ENPP2: variants seen among roughly 807,000 people sequenced by gnomAD.
The protein encoded by ENPP2 is autotaxin.
ENPP2 carries 51 observed loss-of-function variants against 120.2 expected under a neutral mutation model. The observed-to-expected ratio is 0.42, with a 90% CI of 0.34 to 0.54. The LOEUF is 0.54. Ranked by LOEUF, ENPP2 falls within the 20% of genes least tolerant of loss-of-function variation. The pLI, the probability that ENPP2 is intolerant of heterozygous loss-of-function variation, is 0.04. For missense variants in ENPP2, 920 were observed against 1,066.5 expected, an observed-to-expected ratio of 0.86 and a Z score of 1.91; for synonymous variants, 365 against 366.4, an observed-to-expected ratio of 1.00 and a Z score of 0.04.
chr8:119,620,852 G>A (rs1212394015), intron 4 of ENPP2, among the ~76,000 whole-genome samples: 2 of 152,102 alleles, frequency 1.3e-5, no homozygotes, highest in Non-Finnish European at 2.9e-5. Context: ...CCCATCCCTG[G>A]GCAGTTGCCA....
At chr8:119,570,658 A>C in intron 20 of ENPP2, 47 bp downstream of exon 20, 1 of 1,039,204 alleles carries the variant, frequency 9.6e-7, no homozygotes, top group Non-Finnish European at 1.4e-6. Context: ...TATTAACATG[A>C]GGAATGTAAT....
At chr8:119,563,105 A>G (rs2129945110) in intron 23 of ENPP2, 92 bp from the exon 24 acceptor site, 2 of 1,023,484 alleles carry the variant, frequency 2.0e-6, no homozygotes, top group South Asian at 1.6e-5. Context: ...TGCCTAAGTC[A>G]CTAAAATTAA....
At chr8:119,593,991 G>T in intron 11 of ENPP2, 131 bp from the exon 12 acceptor site, 1 of 671,442 alleles carries the variant, frequency 1.5e-6, no homozygotes, top group Non-Finnish European at 2.7e-6. Flanking sequence ...TGTCTGGGGA[G>T]ATTTGCCTGC....
chr8:119,562,742 G>T (rs985448753), intron 24 of ENPP2, 115 bp downstream of exon 24: 2 of 1,095,050 alleles, frequency 1.8e-6, no homozygotes, highest in African/African-American at 1.6e-5. Flanking sequence ...TCTTTTTTCT[G>T]TTTAGGGTGA....
At chr8:119,638,373 C>T in intron 2 of ENPP2, 52 bp downstream of exon 2, 1 of 856,576 alleles carries the variant, frequency 1.2e-6, no homozygotes, top group Non-Finnish European at 2.0e-6. Context: ...ATTGATTACC[C>T]CGTATGTAAT....
At chr8:119,600,625 A>G in intron 11 of ENPP2, 53 bp downstream of exon 11, 1 of 1,081,448 alleles carries the variant, frequency 9.2e-7, no homozygotes, top group Non-Finnish European at 1.4e-6. Context: ...AAGTCAGTAG[A>G]TCAGGTAGCC....
At position 119,659,334 on chromosome 8, in the gene ENPP2, A is replaced by AAAAAAAAAAAAC. The variant is rs58435393; in HGVS notation, c.21+13917_21+13918insGTTTTTTTTTTT. ...TCTGTCTCAATTAAAAAAAAAAAAA[A>AAAAAAAAAAAAC]AAACCAGAGTTCTTAAGAATTTTCT... On this transcript the variant is annotated intron_variant, in intron 1 of 25. Coordinates refer to the ENPP2 transcript ENST00000427067. Among the ~76,000 whole-genome samples, 644 of 130,720 alleles carry AAAAAAAAAAAAC rather than the reference A, an allele frequency of 4.9e-3. 37 individuals carry two copies. Among genetic ancestry groups the AAAAAAAAAAAAC allele is most frequent in the African/African-American group, 0.011 (395 of 36,830 alleles). The allele number at this position is 130,720 out of a possible 152,430, so 85.8% of individuals were successfully genotyped here.
rs1814594757 is a variant in ENPP2, at chr8:119,567,739, A to G, written c.2131+436T>C. 2.6e-5 allele frequency among the ~76,000 whole-genome samples: 4 copies of G among 152,232 alleles called. No homozygotes were observed. In the South Asian group the frequency reaches 8.3e-4, roughly 32 times the overall value. On this transcript the variant is annotated intron_variant, in intron 22 of 24. Transcript: ENST00000075322. ...TGGCTTTTACTGCAATGCTCAACAA[A>G]TAAATATAGATGCTGTTAAATATCA...
chr8:119,662,194 C>A (rs2130898471), intron 1 of ENPP2, among the ~76,000 whole-genome samples: 1 of 151,910 alleles, frequency 6.6e-6, no homozygotes, highest in Admixed American at 6.6e-5. Flanking sequence ...ATTCTCATCA[C>A]CAATGATAAG....
At chr8:119,634,312 T>C (rs1343951418) in intron 2 of ENPP2, among the ~76,000 whole-genome samples, 1 of 152,096 alleles carries the variant, frequency 6.6e-6, no homozygotes, top group Non-Finnish European at 1.5e-5. Context: ...AGTTAAAAAC[T>C]TTACTTCAAC....
chr8:119,659,006 A>T (rs1163557831), intron 1 of ENPP2, among the ~76,000 whole-genome samples: 1 of 152,036 alleles, frequency 6.6e-6, no homozygotes, highest in Non-Finnish European at 1.5e-5. Flanking sequence ...TCCCTCCCCA[A>T]CCTAGGCACC....
upstream of ENPP2, among the ~76,000 whole-genome samples, chr8:119,641,106 G>C (rs1010995304): frequency 6.6e-6 from 1 of 152,066 alleles, no homozygotes; most frequent in Non-Finnish European, 1.5e-5. Context: ...CCAGCTTGTT[G>C]TGCATAAGGA....
chr8:119,600,402 G>T (rs546292236), intron 11 of ENPP2, among the ~76,000 whole-genome samples: 1 of 152,006 alleles, frequency 6.6e-6, no homozygotes, highest in Non-Finnish European at 1.5e-5. Context: ...TCCAACTGAC[G>T]CCCACAAGGC....
At chr8:119,626,857 T>C in intron 2 of ENPP2, 137 bp from the exon 3 acceptor site, 1 of 745,610 alleles carries the variant, frequency 1.3e-6, no homozygotes, top group South Asian at 1.9e-5. Context: ...TTACTACCCA[T>C]GTACTCTGGG....
At chr8:119,653,525 A>T (rs1168562291) in intron 1 of ENPP2, among the ~76,000 whole-genome samples, 2 of 152,166 alleles carry the variant, frequency 1.3e-5, no homozygotes, top group Non-Finnish European at 2.9e-5. Flanking sequence ...AAAAAATAGC[A>T]GGTGCAAAGG....
chr8:119,574,553 G>T (rs1812203994), intron 19 of ENPP2, among the ~76,000 whole-genome samples: 2 of 151,868 alleles, frequency 1.3e-5, no homozygotes, highest in African/African-American at 4.8e-5. Context: ...ATACTGTGAG[G>T]CCAATCTTTT....
intron 11 of ENPP2, among the ~76,000 whole-genome samples, chr8:119,600,374 C>T (rs76223053): frequency 0.014 from 2,148 of 152,242 alleles, 43 homozygotes; most frequent in African/African-American, 0.049. Context: ...AATGCCAACT[C>T]TTCCGAATTA....
At position 119,593,843 on chromosome 8, in the gene ENPP2, C is replaced by G; in HGVS notation, c.990G>C (p.Arg330Ser). 1 of 1,608,646 alleles carries G rather than the reference C, an allele frequency of 6.2e-7. No homozygotes were observed. Among genetic ancestry groups the G allele is most frequent in the Non-Finnish European group, 8.5e-7 (1 of 1,175,020 alleles). The change falls in exon 12 of 25, where the codon AGG becomes AGC. Residue 330 changes from arginine to serine, a missense_variant. Physicochemically the swap from Arg to Ser is moderately radical, Grantham distance 110. Coordinates refer to ENST00000075322, the MANE Select transcript of ENPP2 (RefSeq NM_001040092.3). ...ATTGCCCCACAATTTTGTCGATTTC[C>G]CTCAGAGGATTTGTCATCTAGGAAA... ...PFGPEMTNPLREIDKIVGQLM... is the reference protein window; with the variant it reads ...PFGPEMTNPLSEIDKIVGQLM...
At chr8:119,599,573 C>T (rs1288831906) in intron 11 of ENPP2, among the ~76,000 whole-genome samples, 1 of 152,168 alleles carries the variant, frequency 6.6e-6, no homozygotes, top group Non-Finnish European at 1.5e-5. Flanking sequence ...TTTGCAAACT[C>T]CATCATATTT....
Sources: allele counts gnomAD v4.1 joint callset (sites outside exome capture counted in the v4.1 genomes callset), GRCh38; gene constraint gnomAD v4.1.1; transcripts MANE v1.5; gene names NCBI Gene and HGNC (gene_info 2026-07-23, HGNC 2026-07-21).